The following RAB27A variants were observed in gnomAD, a reference collection of about 807,000 sequenced individuals.
RAB27A encodes the protein RAB27A, member RAS oncogene family.
In RAB27A, 17 loss-of-function variants were observed where a neutral mutation model predicts 20.8. That is an observed-to-expected ratio of 0.82 (90% CI 0.56 to 1.23). The LOEUF (loss-of-function observed/expected upper bound fraction) is 1.23. RAB27A is among the 50% of genes most tolerant of loss of function. RAB27A has a pLI of 0.00. For synonymous variants in RAB27A, 85 were observed against 92.8 expected (o/e 0.92, Z 0.48); for missense variants, 277 against 266.7 (o/e 1.04, Z -0.27).
chr15:55,272,264 T>C (rs1001816635), intron 1 of RAB27A, among the ~76,000 whole-genome samples: 2 of 152,116 alleles, frequency 1.3e-5, no homozygotes, highest in African/African-American at 2.4e-5. Flanking sequence ...CCAGGTGTGG[T>C]GGCGGGCGCC....
chr15:55,240,511 T>C (rs769257906), intron 2 of RAB27A, among the ~76,000 whole-genome samples: 29 of 152,272 alleles, frequency 1.9e-4, no homozygotes, highest in Middle Eastern at 6.8e-3. Flanking sequence ...TCTAGAGCTG[T>C]TCTATCGTAA....
chr15:55,310,179 G>A (rs2141145982), intron 2 of RAB27A, among the ~76,000 whole-genome samples: 1 of 152,322 alleles, frequency 6.6e-6, no homozygotes, highest in South Asian at 2.1e-4. Context: ...TCACAACTTA[G>A]TGGCTGGGAG....
At chr15:55,262,587 A>G (rs1897313011) in intron 2 of RAB27A, among the ~76,000 whole-genome samples, 1 of 151,044 alleles carries the variant, frequency 6.6e-6, no homozygotes, top group Non-Finnish European at 1.5e-5. Context: ...ACAAAAAAAC[A>G]GTGAATAGAC....
chr15:55,305,052 G>A (rs2054991387), intron 2 of RAB27A, among the ~76,000 whole-genome samples: 1 of 152,056 alleles, frequency 6.6e-6, no homozygotes, highest in Non-Finnish European at 1.5e-5. Context: ...TCCTGTTTTT[G>A]CCTAATTAGC....
At chr15:55,229,311 T>C (rs937102047) in intron 4 of RAB27A, among the ~76,000 whole-genome samples, 2 of 151,862 alleles carry the variant, frequency 1.3e-5, no homozygotes, top group African/African-American at 4.8e-5. Flanking sequence ...GAAGAAAATA[T>C]TGGTATGAAT....
At chr15:55,266,119 C>G (rs764093315) in intron 2 of RAB27A, among the ~76,000 whole-genome samples, 54 of 152,320 alleles carry the variant, frequency 3.5e-4, no homozygotes, top group Non-Finnish European at 5.9e-4. Context: ...TATAAGGAGG[C>G]AGGTCTTTGG....
rs568977277 is a variant in RAB27A at position 55,300,023 on chromosome 15, C to A, written c.-112+14016G>T. Among the ~76,000 whole-genome samples, 260 of 151,954 alleles carry A rather than the reference C, an allele frequency of 1.7e-3. 2 individuals carry two copies. The highest frequency in any genetic ancestry group is 5.9e-3 in the African/African-American group (244 of 41,478). ...TTCTAGTAGAGACGGGGTTTTACCACGTTAGCCAGGATGGTCTCGAGCTCC... is the reference window on the plus strand; with the variant it reads ...TTCTAGTAGAGACGGGGTTTTACCAAGTTAGCCAGGATGGTCTCGAGCTCC... On this transcript the variant is annotated intron_variant, in intron 2 of 5. Transcript: ENST00000563262.
chr15:55,316,234 CAAAAAAA>C (rs1186678422), intron 1 of RAB27A, among the ~76,000 whole-genome samples: 2 of 53,928 alleles, frequency 3.7e-5, no homozygotes, highest in African/African-American at 6.2e-5. Flanking sequence ...GACTCCGTCT[CAAAAAAA>C]AAAAAAAAAA....
At chr15:55,210,182 CAT>C (rs755125049) in intron 6 of RAB27A, among the ~76,000 whole-genome samples, 9 of 92,976 alleles carry the variant, frequency 9.7e-5, no homozygotes, top group East Asian at 5.0e-4. Context: ...TACGTACACA[CAT>C]ATGTATGTGT....
At chr15:55,286,912 C>CTTTTTTTTTTTTTTTTTTTTTTTTTT (rs35313703) in intron 1 of RAB27A, among the ~76,000 whole-genome samples, 1 of 57,138 alleles carries the variant, frequency 1.8e-5, no homozygotes. Context: ...TAGATGTATT[C>CTTTTTTTTTTTTTTTTTTTTTTTTTT]TTTTTTTTTT....
intron 2 of RAB27A, among the ~76,000 whole-genome samples, chr15:55,237,068 C>T (rs905575214): frequency 6.6e-6 from 1 of 152,146 alleles, no homozygotes; most frequent in African/African-American, 2.4e-5. Context: ...ACTGACGACT[C>T]TACATGACTA....
intron 2 of RAB27A, among the ~76,000 whole-genome samples, chr15:55,303,149 G>A (rs1312011909): frequency 1.5e-4 from 18 of 119,190 alleles, no homozygotes; most frequent in East Asian, 6.8e-4. Flanking sequence ...TCAGCCCCCC[G>A]CCCGGCCAGC....
At chr15:55,206,864 TATATC>T (rs1301485547) in intron 6 of RAB27A, among the ~76,000 whole-genome samples, 4 of 151,974 alleles carry the variant, frequency 2.6e-5, no homozygotes, top group Admixed American at 2.6e-4. Context: ...TGCCACAACA[TATATC>T]ATAAGCAAAG....
intron 2 of RAB27A, among the ~76,000 whole-genome samples, chr15:55,308,118 T>C (rs1344545861): frequency 1.3e-5 from 2 of 152,158 alleles, no homozygotes; most frequent in Admixed American, 6.5e-5. Flanking sequence ...TTATAAGCAT[T>C]TCTAATGGAG....
chr15:55,318,100 T>C (rs2055070462), intron 1 of RAB27A, among the ~76,000 whole-genome samples: 1 of 52,368 alleles, frequency 1.9e-5, no homozygotes, highest in Admixed American at 1.8e-4. Flanking sequence ...TACTTTTTCT[T>C]TTTTTTTTTT....
chr15:55,220,132 G>A (rs185232512), intron 6 of RAB27A, among the ~76,000 whole-genome samples: 168 of 152,126 alleles, frequency 1.1e-3, no homozygotes, highest in African/African-American at 2.3e-3. Context: ...TTCCATTTTC[G>A]CACTGTAGTG....
intron 2 of RAB27A, among the ~76,000 whole-genome samples, chr15:55,255,841 G>A (rs186872063): frequency 4.3e-4 from 65 of 152,214 alleles, no homozygotes; most frequent in Middle Eastern, 3.4e-3. Flanking sequence ...GGAGAAAAAC[G>A]TCTGGTACAC....
Position 55,253,997 on chromosome 15 carries a change from A to G in RAB27A, c.-23+16168T>C, listed in dbSNP as rs1018483350. ...GGAAATCACAAAAACAAGTAACAGTACACTTAATTTTTTAAATGAGGTTGA... is the reference window on the plus strand; with the variant it reads ...GGAAATCACAAAAACAAGTAACAGTGCACTTAATTTTTTAAATGAGGTTGA... On this transcript the variant is annotated intron_variant, in intron 2 of 6. Coordinates refer to ENST00000336787, the MANE Select transcript of RAB27A (RefSeq NM_183235.3). 7.9e-5 allele frequency among the ~76,000 whole-genome samples: 12 copies of G among 152,222 alleles called. 1 individual carries two copies. Among genetic ancestry groups the G allele is most frequent in the Admixed American group, 7.2e-4 (11 of 15,284 alleles).
At chr15:55,222,405 C>T (rs1359292636) in intron 6 of RAB27A, among the ~76,000 whole-genome samples, 4 of 152,180 alleles carry the variant, frequency 2.6e-5, no homozygotes, top group African/African-American at 7.2e-5. Context: ...CTAGCCTCTG[C>T]CCACCTCACA....
Sources: gnomAD v4.1 joint callset for allele counts (sites outside exome capture counted in the v4.1 genomes callset) on GRCh38, gnomAD v4.1.1 for gene constraint, MANE v1.5 for transcripts, NCBI Gene and HGNC (gene_info 2026-07-23, HGNC 2026-07-21) for gene names.